The following ERO1B variants were observed in gnomAD, a reference collection of about 807,000 sequenced individuals.
The protein encoded by ERO1B is ERO1-like protein beta.
In ERO1B, 49 loss-of-function variants were observed where a neutral mutation model predicts 75.3. That is an observed-to-expected ratio of 0.65 (90% CI 0.52 to 0.83). ERO1B has a LOEUF of 0.83. ERO1B is among the 40% of genes least tolerant of loss of function. The probability of loss-of-function intolerance (pLI) is 0.00; values close to 1 mark genes in which losing one functional copy is unlikely to be tolerated. For missense variants in ERO1B, 512 were observed against 560.1 expected (o/e 0.91, Z 0.87); for synonymous variants, 191 against 192.9 (o/e 0.99, Z 0.08).
At chr1:236,233,309 CAA>C (rs747020101) in intron 8 of ERO1B, among the ~76,000 whole-genome samples, 6 of 103,126 alleles carry the variant, frequency 5.8e-5, no homozygotes, top group Middle Eastern at 6.3e-3. Flanking sequence ...AATTCCGTCT[CAA>C]AAAAAAAAAA....
At chr1:236,268,470 A>T (rs1175478387) in intron 2 of ERO1B, among the ~76,000 whole-genome samples, 1 of 152,060 alleles carries the variant, frequency 6.6e-6, no homozygotes, top group Non-Finnish European at 1.5e-5. Flanking sequence ...AATTTAGCTG[A>T]CGTAAGCCTA....
At chr1:236,253,136 C>T (rs1190062977) in intron 3 of ERO1B, among the ~76,000 whole-genome samples, 1 of 151,876 alleles carries the variant, frequency 6.6e-6, no homozygotes, top group Non-Finnish European at 1.5e-5. Flanking sequence ...TAAAAGACAA[C>T]TGCAGATCCA....
chr1:236,271,381 G>C (rs1203656115), intron 1 of ERO1B, among the ~76,000 whole-genome samples: 1 of 152,076 alleles, frequency 6.6e-6, no homozygotes, highest in Non-Finnish European at 1.5e-5. Flanking sequence ...AACAGAGTTA[G>C]GGCTATATTA....
intron 9 of ERO1B, among the ~76,000 whole-genome samples, chr1:236,231,642 T>A (rs998697496): frequency 4.0e-5 from 6 of 151,518 alleles, no homozygotes; most frequent in African/African-American, 1.5e-4. Context: ...TGTTTTTTTT[T>A]AAATTGAGAA....
intron 13 of ERO1B, among the ~76,000 whole-genome samples, chr1:236,223,089 C>A (rs567440853): frequency 6.6e-6 from 1 of 151,204 alleles, no homozygotes; most frequent in Non-Finnish European, 1.5e-5. Context: ...GTAATCCCAG[C>A]TACTTGGGAG....
At chr1:236,260,074 G>A (rs1333177389) in intron 2 of ERO1B, among the ~76,000 whole-genome samples, 1 of 151,966 alleles carries the variant, frequency 6.6e-6, no homozygotes, top group African/African-American at 2.4e-5. Context: ...AGTAATCAAT[G>A]AAACCAAAGT....
intron 2 of ERO1B, among the ~76,000 whole-genome samples, chr1:236,262,371 T>C (rs367949706): frequency 6.6e-6 from 1 of 152,276 alleles, no homozygotes; most frequent in East Asian, 1.9e-4. Flanking sequence ...TCACACTCTT[T>C]AGGTCTTCCT....
chr1:236,272,905 G>A (rs1358819537), intron 1 of ERO1B, among the ~76,000 whole-genome samples: 5 of 152,046 alleles, frequency 3.3e-5, no homozygotes, highest in African/African-American at 1.2e-4. Context: ...GATGAGGTTT[G>A]TAGCACCTCA....
At chr1:236,231,921 C>T (rs1048506631) in intron 9 of ERO1B, among the ~76,000 whole-genome samples, 1 of 152,088 alleles carries the variant, frequency 6.6e-6, no homozygotes, top group Non-Finnish European at 1.5e-5. Flanking sequence ...ATTTAAACTA[C>T]CACTATATAG....
At chr1:236,231,995 C>A (rs978617534) in intron 9 of ERO1B, among the ~76,000 whole-genome samples, 5 of 152,166 alleles carry the variant, frequency 3.3e-5, no homozygotes, top group Non-Finnish European at 5.9e-5. Context: ...TGTCTCAACT[C>A]CCAGCTGCAT....
intron 13 of ERO1B, 25 bp downstream of exon 13, chr1:236,225,045 C>T (rs373581038): frequency 1.9e-5 from 31 of 1,608,918 alleles, no homozygotes; most frequent in East Asian, 1.6e-4. Context: ...CTCCCAACCC[C>T]GTGTCCCAAT....
intron 2 of ERO1B, among the ~76,000 whole-genome samples, chr1:236,257,194 C>A (rs768147059): frequency 1.3e-5 from 2 of 152,082 alleles, no homozygotes; most frequent in African/African-American, 4.8e-5. Context: ...CAAAGTTTTG[C>A]GAAACTAGAA....
chr1:236,246,757 C>T (rs1198746141), intron 5 of ERO1B, among the ~76,000 whole-genome samples: 1 of 152,146 alleles, frequency 6.6e-6, no homozygotes, highest in African/African-American at 2.4e-5. Flanking sequence ...GGAAAGTACA[C>T]ATGGTAATCT....
rs199994754 is a variant in ERO1B, at chr1:236,243,168, T to G, written c.505+254A>C. On this transcript the variant is annotated intron_variant, in intron 6 of 15. Coordinates refer to ENST00000354619, the MANE Select transcript of ERO1B (RefSeq NM_019891.4). The stretch of plus-strand genomic sequence containing the variant: ...TCTTGGGCAAGTTATTTAGTCTTTT[T>G]CAGACTCAGTTTTCTCAGATATGAA... Among the ~76,000 whole-genome samples the G allele has an allele frequency of 2.6e-5, 4 of 152,294 alleles. No individual in the cohort carries two copies. The East Asian group carries it at 7.7e-4, about 29-fold the overall frequency.
At position 236,281,802 on chromosome 1, in the gene ERO1B, C is replaced by G. The variant is rs1022863060; in HGVS notation, c.-19G>C. On this transcript the variant is annotated 5_prime_UTR_variant, in exon 1 of 16. Coordinates refer to ENST00000354619, the MANE Select transcript of ERO1B (RefSeq NM_019891.4). ...GGCTCATGCTGACCTCTACCCACAC[C>G]GCGGCCAGCCGGACCCCTCGGGGCC... 1.4e-6 allele frequency: 2 copies of G among 1,413,420 alleles called. No homozygotes were observed. The highest frequency in any genetic ancestry group is 2.6e-5 in the Admixed American group (1 of 38,974). 87.6% of individuals were successfully genotyped at this position (1,413,420 alleles called of 1,614,324 possible). A position where few individuals can be genotyped will look rare whatever the true frequency, so the allele number is the denominator to read the frequency against.
chr1:236,256,371 G>A (rs1665161008), intron 2 of ERO1B, among the ~76,000 whole-genome samples: 2 of 151,966 alleles, frequency 1.3e-5, no homozygotes, highest in South Asian at 4.2e-4. Context: ...TTGCTTGAAC[G>A]GGAGAGTAAG....
intron 13 of ERO1B, among the ~76,000 whole-genome samples, chr1:236,224,003 A>G (rs931285249): frequency 3.9e-5 from 6 of 152,172 alleles, no homozygotes; most frequent in African/African-American, 1.4e-4. Context: ...CTTGGGGTCA[A>G]ATGTGTTTTA....
At chr1:236,239,103 A>G (rs1297718002) in intron 6 of ERO1B, among the ~76,000 whole-genome samples, 1 of 152,182 alleles carries the variant, frequency 6.6e-6, no homozygotes, top group Non-Finnish European at 1.5e-5. Context: ...ATCAGGTTTT[A>G]TAACTACTTA....
intron 2 of ERO1B, among the ~76,000 whole-genome samples, chr1:236,260,363 C>T (rs1665267365): frequency 6.6e-6 from 1 of 152,052 alleles, no homozygotes; most frequent in Admixed American, 6.6e-5. Flanking sequence ...AGTATCTTAT[C>T]AAAGAAAGAC....
Sources: gnomAD v4.1 joint callset for allele counts (sites outside exome capture counted in the v4.1 genomes callset) on GRCh38, gnomAD v4.1.1 for gene constraint, MANE v1.5 for transcripts, NCBI Gene and HGNC (gene_info 2026-07-23, HGNC 2026-07-21) for gene names.